The following TANC1 variants were observed in gnomAD, a reference collection of about 807,000 sequenced individuals.
The protein encoded by TANC1 is protein TANC1.
A neutral mutation model predicts 149.7 loss-of-function variants in TANC1; 77 were observed. That is an observed-to-expected ratio of 0.51 (90% CI 0.43 to 0.62). The LOEUF (loss-of-function observed/expected upper bound fraction) is 0.62, where lower values mean the gene tolerates loss of function less well. Ranked by LOEUF, TANC1 falls within the 20% of genes least tolerant of loss-of-function variation. The pLI, the probability that TANC1 is intolerant of heterozygous loss-of-function variation, is 0.00. For synonymous variants in TANC1, 854 were observed against 925.0 expected, an observed-to-expected ratio of 0.92 and a Z score of 1.39; for missense variants, 1,985 against 2,321.8, an observed-to-expected ratio of 0.85 and a Z score of 2.98.
chr2:159,189,485 G>A (rs536260878), intron 16 of TANC1, among the ~76,000 whole-genome samples: 23 of 152,282 alleles, frequency 1.5e-4, no homozygotes, highest in African/African-American at 4.6e-4. Context: ...TTATAACATC[G>A]ATTAATGTTT....
intron 19 of TANC1, among the ~76,000 whole-genome samples, chr2:159,213,847 C>T (rs1157783394): frequency 3.9e-5 from 6 of 152,158 alleles, no homozygotes; most frequent in South Asian, 4.1e-4. Context: ...TAACAGCGGC[C>T]GGGCACAGTG....
At position 159,001,279 on chromosome 2, in the gene TANC1, G is replaced by A. The variant is rs2036595851; in HGVS notation, c.-16+90G>A. The A allele has an allele frequency of 6.6e-6, 1 of 152,262 alleles. No individual in the cohort carries two copies. Among genetic ancestry groups the A allele is most frequent in the African/African-American group, 2.4e-5 (1 of 41,454 alleles). 9.4% of individuals were successfully genotyped at this position (152,262 alleles called of 1,614,324 possible). A position where few individuals can be genotyped will look rare whatever the true frequency, so the allele number is the denominator to read the frequency against. On this transcript the variant is annotated intron_variant, in intron 2 of 26. Coordinates refer to ENST00000263635, the MANE Select transcript of TANC1 (RefSeq NM_033394.3). This position sits in a 1 kb window ranked among gnomAD's most constrained non-coding sequence, Gnocchi z 4.3. ...TGAATCTTTACATGAGGTTAGAAGA[G>A]AGATGGCCTGTAGAACGTCCAGTCT...
At chr2:159,229,171 T>A (rs2060199424) in intron 26 of TANC1, among the ~76,000 whole-genome samples, 1 of 151,948 alleles carries the variant, frequency 6.6e-6, no homozygotes, top group Non-Finnish European at 1.5e-5. Context: ...TCCTACCTAG[T>A]TTAGTCCATA....
At chr2:159,123,986 C>T (rs1347062718) in intron 4 of TANC1, among the ~76,000 whole-genome samples, 1 of 152,110 alleles carries the variant, frequency 6.6e-6, no homozygotes, top group Non-Finnish European at 1.5e-5. Context: ...TGTCTTCATA[C>T]TTGAATTTTG....
At chr2:159,090,320 C>T (rs2045391744) in intron 3 of TANC1, among the ~76,000 whole-genome samples, 1 of 152,148 alleles carries the variant, frequency 6.6e-6, no homozygotes, top group Non-Finnish European at 1.5e-5. Flanking sequence ...TACAGTAGGC[C>T]TTGTAGTTCC....
intron 2 of TANC1, among the ~76,000 whole-genome samples, chr2:159,041,431 G>A (rs1417405215): frequency 2.0e-5 from 3 of 152,160 alleles, no homozygotes; most frequent in South Asian, 2.1e-4. Context: ...GAGCTGCGGT[G>A]GACTCCACAC....
rs2052508912 is a variant in TANC1, at chr2:159,149,287, A to G, written c.495+15A>G. 10 of 1,614,134 alleles carry G rather than the reference A, an allele frequency of 6.2e-6. No individual in the cohort carries two copies. Among genetic ancestry groups the G allele is most frequent in the Non-Finnish European group, 7.6e-6 (9 of 1,179,990 alleles). On this transcript the variant is annotated intron_variant, in intron 6 of 26. Coordinates refer to ENST00000263635, the MANE Select transcript of TANC1 (RefSeq NM_033394.3). Reference sequence around the variant, plus strand: ...ATGAAACCATGGTAATGCCCGAGGAAGACACTACATTGCATACCTCTTCAG... The same window carrying G: ...ATGAAACCATGGTAATGCCCGAGGAGGACACTACATTGCATACCTCTTCAG...
chr2:159,212,942 T>A (rs1350801878), intron 19 of TANC1, among the ~76,000 whole-genome samples: 2 of 147,068 alleles, frequency 1.4e-5, no homozygotes, highest in Admixed American at 6.8e-5. Context: ...AAAAAAAAAA[T>A]TTCCCTGAAA....
intron 3 of TANC1, among the ~76,000 whole-genome samples, chr2:159,090,235 T>C (rs1013189426): frequency 3.9e-5 from 6 of 152,318 alleles, no homozygotes; most frequent in African/African-American, 1.4e-4. Flanking sequence ...TAGATACACA[T>C]ATATATACAC....
intron 2 of TANC1, among the ~76,000 whole-genome samples, chr2:159,005,808 GA>G (rs949236936): frequency 6.7e-6 from 1 of 149,638 alleles, no homozygotes; most frequent in Non-Finnish European, 1.5e-5. Flanking sequence ...AATTGAAAAA[GA>G]AAAAAAAAGA....
intron 1 of TANC1, among the ~76,000 whole-genome samples, chr2:158,975,887 G>A (rs2033603730): frequency 6.7e-6 from 1 of 148,264 alleles, no homozygotes; most frequent in African/African-American, 2.5e-5. Context: ...AGGCTGGACT[G>A]CAGTGGCATG....
chr2:158,970,453 G>T (rs555368014), intron 1 of TANC1, among the ~76,000 whole-genome samples: 2 of 152,224 alleles, frequency 1.3e-5, no homozygotes, highest in South Asian at 4.2e-4. Context: ...TTTATGAGCG[G>T]CTGAGACTAC....
chr2:159,084,908 G>A (rs750991799), intron 3 of TANC1, among the ~76,000 whole-genome samples: 2 of 152,132 alleles, frequency 1.3e-5, no homozygotes, highest in Non-Finnish European at 2.9e-5. Context: ...GTTCAATTCC[G>A]GATCTGCCAC....
intron 20 of TANC1, among the ~76,000 whole-genome samples, chr2:159,218,525 C>A (rs1462343668): frequency 6.6e-6 from 1 of 152,186 alleles, no homozygotes; most frequent in African/African-American, 2.4e-5. Flanking sequence ...GATTGTGTTG[C>A]CTCCTGTTGC....
intron 3 of TANC1, 136 bp downstream of exon 3, chr2:159,066,107 G>A: frequency 1.4e-6 from 1 of 729,802 alleles, no homozygotes. Flanking sequence ...GTGTGCTGGA[G>A]GCTATGAGAA....
chr2:159,002,934 C>G (rs575763442), intron 2 of TANC1, among the ~76,000 whole-genome samples: 1 of 152,336 alleles, frequency 6.6e-6, no homozygotes, highest in African/African-American at 2.4e-5. Flanking sequence ...TTAAGTTGCA[C>G]TGCAGCTGAA....
chr2:159,130,986 T>A (rs62171091), intron 4 of TANC1, among the ~76,000 whole-genome samples: 5,239 of 152,022 alleles, frequency 0.034, 105 homozygotes, highest in Non-Finnish European at 0.047. Context: ...CAAGCTGTGC[T>A]GCAGCATGAT....
intron 3 of TANC1, among the ~76,000 whole-genome samples, chr2:159,085,972 G>C (rs866824093): frequency 3.3e-5 from 5 of 152,326 alleles, no homozygotes; most frequent in Middle Eastern, 3.4e-3. Flanking sequence ...GTGGCCTCTG[G>C]CAGTAATCTC....
At position 159,159,717 on chromosome 2, in the gene TANC1, T is replaced by TGAGA. The variant is rs56101796; in HGVS notation, c.683-3525_683-3522dup. 8.3e-3 allele frequency among the ~76,000 whole-genome samples: 951 copies of TGAGA among 114,892 alleles called. 17 individuals carry two copies. Among genetic ancestry groups the TGAGA allele is most frequent in the East Asian group, 0.068 (254 of 3,756 alleles). 75.4% of individuals were successfully genotyped at this position (114,892 alleles called of 152,430 possible). A position where few individuals can be genotyped will look rare whatever the true frequency, so the allele number is the denominator to read the frequency against. On this transcript the variant is annotated intron_variant, in intron 7 of 26. Transcript: ENST00000263635. Reference sequence around the variant, plus strand: ...GTGTGTGTGTGTGTGTGTGTGTGTGTGAGAGAGAGAGAGAGAGAGAGAGAG... The same window carrying TGAGA: ...GTGTGTGTGTGTGTGTGTGTGTGTGTGAGAGAGAGAGAGAGAGAGAGAGAGAGAG...
Sources: allele counts gnomAD v4.1 joint callset (sites outside exome capture counted in the v4.1 genomes callset), GRCh38; gene constraint gnomAD v4.1.1; non-coding constraint Gnocchi (gnomAD v3.1); transcripts MANE v1.5; gene names NCBI Gene and HGNC (gene_info 2026-07-23, HGNC 2026-07-21).